Variants in SLC24A3 observed in about 807,000 individuals in gnomAD.
The protein encoded by SLC24A3 is solute carrier family 24 member 3.
SLC24A3 carries 28 observed loss-of-function variants against 75.8 expected under a neutral mutation model. That is an observed-to-expected ratio of 0.37 (90% confidence interval 0.27 to 0.51). The LOEUF (loss-of-function observed/expected upper bound fraction) is 0.51. Ranked by LOEUF, SLC24A3 falls within the 20% of genes least tolerant of loss-of-function variation. The pLI is 0.94. For missense variants in SLC24A3, 663 were observed against 847.8 expected (o/e 0.78, Z 2.71); for synonymous variants, 372 against 334.1 (o/e 1.11, Z -1.24).
At chr20:19,502,616 A>G (rs1038653607) in intron 2 of SLC24A3, among the ~76,000 whole-genome samples, 3 of 152,134 alleles carry the variant, frequency 2.0e-5, no homozygotes, top group Non-Finnish European at 4.4e-5. Context: ...TGTGGCTTGT[A>G]ATTACAATCC....
intron 2 of SLC24A3, among the ~76,000 whole-genome samples, chr20:19,282,826 C>A (rs1452447892): frequency 1.3e-5 from 2 of 152,182 alleles, no homozygotes; most frequent in Non-Finnish European, 2.9e-5. Context: ...GTTGGTCTCT[C>A]TGTGAGTAGC....
intron 15 of SLC24A3, among the ~76,000 whole-genome samples, chr20:19,706,322 G>A (rs2032929570): frequency 6.6e-6 from 1 of 152,176 alleles, no homozygotes. Context: ...TATGGAAGGA[G>A]AGATTTGCAC....
chr20:19,651,374 TA>T (rs2032199987), intron 6 of SLC24A3, among the ~76,000 whole-genome samples: 16 of 71,898 alleles, frequency 2.2e-4, no homozygotes, highest in African/African-American at 1.7e-3. Context: ...GTTTTTATTA[TA>T]TATATATATA....
intron 6 of SLC24A3, among the ~76,000 whole-genome samples, chr20:19,604,035 C>A (rs941908482): frequency 1.3e-5 from 2 of 152,206 alleles, no homozygotes; most frequent in Non-Finnish European, 2.9e-5. Flanking sequence ...CAGTCACTTA[C>A]TCCATCGGTG....
intron 2 of SLC24A3, among the ~76,000 whole-genome samples, chr20:19,320,816 G>A (rs886272876): frequency 2.0e-5 from 3 of 151,986 alleles, no homozygotes; most frequent in Admixed American, 6.6e-5. Context: ...GAATAATTAC[G>A]AGAAAACAGT....
At chr20:19,567,099 G>GAA (rs2030970487) in intron 3 of SLC24A3, among the ~76,000 whole-genome samples, 1 of 152,238 alleles carries the variant, frequency 6.6e-6, no homozygotes, top group Admixed American at 6.5e-5. Flanking sequence ...AAGCCATTTG[G>GAA]AGGTTTGTCA....
At chr20:19,523,002 T>C (rs2030132695) in intron 3 of SLC24A3, among the ~76,000 whole-genome samples, 2 of 152,104 alleles carry the variant, frequency 1.3e-5, no homozygotes, top group African/African-American at 4.8e-5. Context: ...AGAAGTGAAA[T>C]TGTCTACTAA....
chr20:19,485,491 G>A (rs1489468064), intron 2 of SLC24A3, among the ~76,000 whole-genome samples: 1 of 152,198 alleles, frequency 6.6e-6, no homozygotes, highest in East Asian at 1.9e-4. Context: ...CTAGGGCCTC[G>A]AGAGACTGAG....
At chr20:19,381,460 G>A (rs1457985063) in intron 2 of SLC24A3, among the ~76,000 whole-genome samples, 3 of 152,210 alleles carry the variant, frequency 2.0e-5, no homozygotes, top group Non-Finnish European at 4.4e-5. Context: ...GCTCTGAATA[G>A]AGGGATTGAA....
intron 15 of SLC24A3, among the ~76,000 whole-genome samples, chr20:19,704,918 G>A (rs902413333): frequency 6.6e-6 from 1 of 152,196 alleles, no homozygotes; most frequent in South Asian, 2.1e-4. Flanking sequence ...CTGCAGATTA[G>A]GAAACCAAGG....
At chr20:19,374,260 G>A (rs1057262707) in intron 2 of SLC24A3, among the ~76,000 whole-genome samples, 2 of 152,114 alleles carry the variant, frequency 1.3e-5, no homozygotes, top group African/African-American at 4.8e-5. Context: ...GACAGGGTGG[G>A]CCGTCACTCC....
intron 3 of SLC24A3, among the ~76,000 whole-genome samples, chr20:19,570,708 G>A (rs993271278): frequency 6.6e-6 from 1 of 152,174 alleles, no homozygotes; most frequent in African/African-American, 2.4e-5. Context: ...TGTGAAACAT[G>A]AGTAATATGA....
intron 2 of SLC24A3, among the ~76,000 whole-genome samples, chr20:19,377,217 C>A (rs977641304): frequency 9.9e-5 from 15 of 152,154 alleles, no homozygotes; most frequent in African/African-American, 3.6e-4. Flanking sequence ...TGGAGTGTGT[C>A]ACTTCCAATT....
intron 6 of SLC24A3, among the ~76,000 whole-genome samples, chr20:19,606,027 T>C (rs2031592642): frequency 6.6e-6 from 1 of 152,214 alleles, no homozygotes; most frequent in South Asian, 2.1e-4. Flanking sequence ...ATCCCCCAGC[T>C]GGACTTCCTA....
chr20:19,557,489 A>G lies in SLC24A3; in HGVS notation c.349-22511A>G, dbSNP rs140215829. 1.8e-4 allele frequency among the ~76,000 whole-genome samples: 27 copies of G among 152,322 alleles called. No individual in the cohort carries two copies. The East Asian group carries it at 3.9e-3, about 22-fold the overall frequency. ...TAACCCCTATGTCCATCTATTGACA[A>G]ATCACTTCCTCAAACTCAGTAGCTG... On this transcript the variant is annotated intron_variant, in intron 3 of 16. Transcript: ENST00000328041.
Position 19,419,144 on chromosome 20 carries a change from A to G in SLC24A3, c.272-96344A>G, listed in dbSNP as rs1316368383. Among the ~76,000 whole-genome samples, 5 of 152,250 alleles carry G rather than the reference A, an allele frequency of 3.3e-5. No homozygotes were observed. The East Asian group carries it at 9.6e-4, about 29-fold the overall frequency. On this transcript the variant is annotated intron_variant, in intron 2 of 16. Coordinates refer to ENST00000328041, the MANE Select transcript of SLC24A3 (RefSeq NM_020689.4). ...GGTTTCTCTTTATACAAGTATTTCA[A>G]CTCATAAACAAAGAAGGAAGGAAAA...
intron 7 of SLC24A3, among the ~76,000 whole-genome samples, chr20:19,655,153 C>T (rs984991514): frequency 1.3e-5 from 2 of 152,218 alleles, no homozygotes; most frequent in Admixed American, 6.5e-5. Flanking sequence ...AGCTGAGGCT[C>T]TCTGCATTGC....
chr20:19,615,710 G>A (rs2031727899), intron 6 of SLC24A3, among the ~76,000 whole-genome samples: 1 of 152,222 alleles, frequency 6.6e-6, no homozygotes, highest in African/African-American at 2.4e-5. Flanking sequence ...TTTGCTTGCT[G>A]AGTCTTCTGG....
intron 2 of SLC24A3, among the ~76,000 whole-genome samples, chr20:19,396,876 A>G (rs1184479036): frequency 6.6e-6 from 1 of 152,202 alleles, no homozygotes; most frequent in African/African-American, 2.4e-5. Flanking sequence ...CCACTTGCCA[A>G]CCTCATGTGT....
Sources: allele counts gnomAD v4.1 joint callset (sites outside exome capture counted in the v4.1 genomes callset), GRCh38; gene constraint gnomAD v4.1.1; transcripts MANE v1.5; gene names NCBI Gene and HGNC (gene_info 2026-07-23, HGNC 2026-07-21).